Variants in MBOAT2 observed in about 807,000 individuals in gnomAD.
The protein encoded by MBOAT2 is membrane bound glycerophospholipid O-acyltransferase 2, also known as membrane-bound glycerophospholipid O-acyltransferase 2.
In MBOAT2, 28 loss-of-function variants were observed where a neutral mutation model predicts 63.4. That is an observed-to-expected ratio of 0.44 (90% CI 0.33 to 0.61). The LOEUF is 0.61. Ranked by LOEUF, MBOAT2 falls within the 20% of genes least tolerant of loss-of-function variation. The pLI, the probability that MBOAT2 is intolerant of heterozygous loss-of-function variation, is 0.03. For synonymous variants in MBOAT2, 211 were observed against 215.6 expected (o/e 0.98, Z 0.19); for missense variants, 470 against 605.8 (o/e 0.78, Z 2.35).
chr2:8,888,475 CT>C (rs1172390577), intron 4 of MBOAT2, among the ~76,000 whole-genome samples: 3 of 152,164 alleles, frequency 2.0e-5, no homozygotes, highest in Non-Finnish European at 4.4e-5. Context: ...CATGGACAGA[CT>C]CTCAACTCCC....
At chr2:8,863,043 C>T (rs923154486) in intron 10 of MBOAT2, among the ~76,000 whole-genome samples, 17 of 152,206 alleles carry the variant, frequency 1.1e-4, no homozygotes, top group Non-Finnish European at 1.9e-4. Flanking sequence ...TTTTATCCTA[C>T]ATTATTTTAT....
intron 3 of MBOAT2, among the ~76,000 whole-genome samples, chr2:8,914,212 T>C (rs1294063935): frequency 6.6e-6 from 1 of 152,128 alleles, no homozygotes; most frequent in African/African-American, 2.4e-5. Flanking sequence ...ACAAATATGG[T>C]ACAGTGTATA....
rs1243253956 is a variant in MBOAT2 at position 8,854,608 on chromosome 2, T to C, written c.*4071A>G. On this transcript the variant is annotated 3_prime_UTR_variant, in exon 13 of 13. Coordinates refer to ENST00000305997, the MANE Select transcript of MBOAT2 (RefSeq NM_138799.4). The stretch of plus-strand genomic sequence containing the variant: ...TTCTTTCAATTATAATGTAGAACTG[T>C]TAAGACCAATTAACTAATAATTGTG... The C allele has an allele frequency of 1.3e-5, 2 of 152,210 alleles. No individual in the cohort carries two copies. Among genetic ancestry groups the C allele is most frequent in the African/African-American group, 4.8e-5 (2 of 41,456 alleles). 9.4% of individuals were successfully genotyped at this position (152,210 alleles called of 1,614,324 possible). A position where few individuals can be genotyped will look rare whatever the true frequency, so the allele number is the denominator to read the frequency against.
chr2:8,997,201 C>T (rs1043088871), intron 1 of MBOAT2, among the ~76,000 whole-genome samples: 4 of 152,202 alleles, frequency 2.6e-5, no homozygotes, highest in African/African-American at 7.2e-5. Flanking sequence ...TTAAAGGAAT[C>T]TTACCAAGTG....
chr2:9,002,102 A>G (rs543147297), intron 1 of MBOAT2, among the ~76,000 whole-genome samples: 2 of 152,292 alleles, frequency 1.3e-5, no homozygotes, highest in African/African-American at 2.4e-5. Context: ...GGCCGGGAGG[A>G]TGAAAAACCC....
chr2:8,859,277 T>C, intron 12 of MBOAT2, among the ~76,000 whole-genome samples: 1 of 152,206 alleles, frequency 6.6e-6, no homozygotes, highest in Non-Finnish European at 1.5e-5. Flanking sequence ...AATGTGGAGA[T>C]AGTTAAGACT....
Position 8,858,578 on chromosome 2 carries a change from C to T in MBOAT2, c.*101G>A. The T allele has an allele frequency of 1.2e-6, 1 of 822,654 alleles. No individual in the cohort carries two copies. The highest frequency in any genetic ancestry group is 1.9e-6 in the Non-Finnish European group (1 of 523,532). The allele number at this position is 822,654 out of a possible 1,614,324, so 51.0% of individuals were successfully genotyped here. ...TTATCTATAACTGTCCATTTCCCCC[C>T]AGTTAACTGCTTTTCCAACAAACTC... On this transcript the variant is annotated 3_prime_UTR_variant, in exon 13 of 13. Transcript: ENST00000305997.
chr2:8,988,488 CTG>C (rs1344869342), intron 1 of MBOAT2, among the ~76,000 whole-genome samples: 1 of 152,080 alleles, frequency 6.6e-6, no homozygotes, highest in African/African-American at 2.4e-5. Context: ...AATACTATAA[CTG>C]AGACTAGGGA....
At chr2:8,892,363 T>C (rs1664066435) in intron 4 of MBOAT2, among the ~76,000 whole-genome samples, 1 of 152,240 alleles carries the variant, frequency 6.6e-6, no homozygotes, top group Non-Finnish European at 1.5e-5. Context: ...TGACACCAAG[T>C]AACCCCACTT....
chr2:8,955,285 G>A (rs190840200), intron 2 of MBOAT2, among the ~76,000 whole-genome samples: 15 of 152,294 alleles, frequency 9.8e-5, no homozygotes, highest in African/African-American at 2.9e-4. Context: ...CCTTCACAGC[G>A]TCTCCAACCC....
At chr2:8,881,108 TAAA>T (rs1430028633) in intron 6 of MBOAT2, among the ~76,000 whole-genome samples, 1 of 152,140 alleles carries the variant, frequency 6.6e-6, no homozygotes, top group Non-Finnish European at 1.5e-5. Context: ...CTGACGCAGC[TAAA>T]TCCTTGAGAA....
At chr2:8,900,231 G>C (rs1484590693) in intron 4 of MBOAT2, among the ~76,000 whole-genome samples, 1 of 152,154 alleles carries the variant, frequency 6.6e-6, no homozygotes, top group Non-Finnish European at 1.5e-5. Context: ...GGGATGGCTT[G>C]CTGACCAGTA....
chr2:8,955,922 C>G (rs1423499967), intron 2 of MBOAT2, among the ~76,000 whole-genome samples: 1 of 152,150 alleles, frequency 6.6e-6, no homozygotes, highest in Non-Finnish European at 1.5e-5. Flanking sequence ...CCACTGAAGG[C>G]CCAGATGATC....
intron 1 of MBOAT2, among the ~76,000 whole-genome samples, chr2:8,965,617 G>A (rs1669924308): frequency 6.6e-6 from 1 of 152,082 alleles, no homozygotes; most frequent in South Asian, 2.1e-4. Flanking sequence ...AGCTTTATAT[G>A]TATATTTTCT....
At chr2:8,942,709 G>A (rs79469059) in intron 3 of MBOAT2, among the ~76,000 whole-genome samples, 30 of 152,186 alleles carry the variant, frequency 2.0e-4, no homozygotes, top group Non-Finnish European at 1.5e-4. Context: ...CTGGAAACAC[G>A]GAAGTCATCC....
At position 8,912,132 on chromosome 2, in the gene MBOAT2, T is replaced by TAATACTG. The variant is rs1665750952; in HGVS notation, c.300-3423_300-3417dup. 1.3e-5 allele frequency among the ~76,000 whole-genome samples: 2 copies of TAATACTG among 151,682 alleles called. 1 individual carries two copies. Among genetic ancestry groups the TAATACTG allele is most frequent in the African/African-American group, 4.9e-5 (2 of 41,198 alleles). Reference sequence around the variant, plus strand: ...ACCTATGACAAACCCACAGCCAACATAATACTGAATGGGGAAAAGTTGAAA... The same window carrying TAATACTG: ...ACCTATGACAAACCCACAGCCAACATAATACTGAATACTGAATGGGGAAAAGTTGAAA... On this transcript the variant is annotated intron_variant, in intron 3 of 12. Transcript: ENST00000305997.
chr2:8,994,463 G>T (rs893045194), intron 1 of MBOAT2, among the ~76,000 whole-genome samples: 5 of 152,208 alleles, frequency 3.3e-5, no homozygotes, highest in Non-Finnish European at 5.9e-5. Flanking sequence ...AGAAAGAACT[G>T]GATGACACTG....
chr2:8,858,493 G>A lies in MBOAT2; in HGVS notation c.*186C>T. ...ATTCTTACATAAGGCGTGGCCCACG[G>A]AGACATGGCATGGGAGGGCTTGTTT... On this transcript the variant is annotated 3_prime_UTR_variant, in exon 13 of 13. Transcript: ENST00000305997. The A allele has an allele frequency of 1.8e-6, 1 of 543,986 alleles. No homozygotes were observed. The highest frequency in any genetic ancestry group is 2.9e-5 in the South Asian group (1 of 34,774). The allele number at this position is 543,986 out of a possible 1,614,324, so 33.7% of individuals were successfully genotyped here.
intron 1 of MBOAT2, among the ~76,000 whole-genome samples, chr2:8,996,345 G>A (rs1241305135): frequency 1.7e-4 from 25 of 151,386 alleles, no homozygotes; most frequent in Admixed American, 1.6e-3. Flanking sequence ...GCATAAAGGA[G>A]TCTGACAACA....
Sources: allele counts gnomAD v4.1 joint callset (sites outside exome capture counted in the v4.1 genomes callset), GRCh38; gene constraint gnomAD v4.1.1; transcripts MANE v1.5; gene names NCBI Gene and HGNC (gene_info 2026-07-23, HGNC 2026-07-21).